CNTN6: variants seen among roughly 807,000 people sequenced by gnomAD.
The protein encoded by CNTN6 is contactin 6, also known as contactin-6.
Under a neutral mutation model 122.8 loss-of-function variants are expected in CNTN6, and 137 were observed. The ratio of observed to expected loss-of-function variants is 1.12; its 90% CI spans 0.97 to 1.29. CNTN6 has a LOEUF of 1.29. CNTN6 is among the 50% of genes most tolerant of loss of function. The probability of loss-of-function intolerance (pLI) is 0.00; values close to 1 mark genes in which losing one functional copy is unlikely to be tolerated. For synonymous variants in CNTN6, 570 were observed against 426.0 expected (o/e 1.34, Z -4.16); for missense variants, 1,634 against 1,223.4 (o/e 1.34, Z -5.01).
Position 1,352,450 on chromosome 3 carries a change from A to G in CNTN6, c.1491A>G (p.Lys497=). 6.2e-7 allele frequency: 1 copy of G among 1,609,788 alleles called. No individual in the cohort carries two copies. The highest frequency in any genetic ancestry group is 8.5e-7 in the Non-Finnish European group (1 of 1,177,206). Residue 497 remains lysine (K), a splice_region_variant and synonymous_variant, in exon 12 of 23, where the codon AAA becomes AAG. Coordinates refer to ENST00000446702, the MANE Select transcript of CNTN6 (RefSeq NM_001289080.2). ...TAKNTGSLIV[K]ERTVITVPPS... Reference sequence around the variant, plus strand: ...AGAACACTGGCAGCCTCATTGTAAAAGGTATCATATTATCTTCATTTGTGC... The same window carrying G: ...AGAACACTGGCAGCCTCATTGTAAAGGGTATCATATTATCTTCATTTGTGC...
chr3:1,238,708 G>A (rs570322319), intron 4 of CNTN6, among the ~76,000 whole-genome samples: 3 of 152,170 alleles, frequency 2.0e-5, no homozygotes, highest in African/African-American at 4.8e-5. Flanking sequence ...TAAGTCTCAG[G>A]AAATTTAAGA....
At chr3:1,270,669 G>A (rs2095009642) in intron 4 of CNTN6, among the ~76,000 whole-genome samples, 1 of 152,108 alleles carries the variant, frequency 6.6e-6, no homozygotes, top group Non-Finnish European at 1.5e-5. Context: ...CTCAAAGGGG[G>A]GAAATAGTAT....
At chr3:1,199,837 A>C (rs2125420510) in intron 2 of CNTN6, among the ~76,000 whole-genome samples, 1 of 152,308 alleles carries the variant, frequency 6.6e-6, no homozygotes, top group East Asian at 1.9e-4. Context: ...TGGCGTTTGC[A>C]AAAACTTTCT....
At chr3:1,275,750 G>T (rs1692227733) in intron 4 of CNTN6, among the ~76,000 whole-genome samples, 1 of 152,074 alleles carries the variant, frequency 6.6e-6, no homozygotes, top group African/African-American at 2.4e-5. Flanking sequence ...CACATGCGCG[G>T]TTCACAATAG....
At position 1,202,756 on chromosome 3, in the gene CNTN6, G is replaced by A. The variant is rs184924854; in HGVS notation, c.56-17931G>A. 7.2e-5 allele frequency among the ~76,000 whole-genome samples: 11 copies of A among 152,142 alleles called. No homozygotes were observed. In the East Asian group the frequency reaches 1.2e-3, roughly 16 times the overall value. On this transcript the variant is annotated intron_variant, in intron 2 of 22. Coordinates refer to ENST00000446702, the MANE Select transcript of CNTN6 (RefSeq NM_001289080.2). ...GCTTTTCTCACACAGGGAATGAACC[G>A]GTTTTCCTGCTCATAAAAGAAAACA...
In CNTN6 at chr3:1,277,827, T is replaced by A. The variant is rs138488532; in HGVS notation, c.359-586T>A. ...GCTTAACAAGATAGCTAGTAAGCAC[T>A]CTTTCAACTCTGAATTTCTGTGATT... On this transcript the variant is annotated intron_variant, in intron 4 of 22. Coordinates refer to ENST00000446702, the MANE Select transcript of CNTN6 (RefSeq NM_001289080.2). Among the ~76,000 whole-genome samples, 635 of 152,322 alleles carry A rather than the reference T, an allele frequency of 4.2e-3. 2 individuals carry two copies. Among genetic ancestry groups the A allele is most frequent in the African/African-American group, 0.014 (594 of 41,578 alleles).
At chr3:1,134,263 T>G (rs2092415023) in intron 1 of CNTN6, among the ~76,000 whole-genome samples, 1 of 152,144 alleles carries the variant, frequency 6.6e-6, no homozygotes, top group Non-Finnish European at 1.5e-5. Flanking sequence ...CTCTCCCATC[T>G]CAATTTGGAA....
At chr3:1,185,269 G>A (rs6772304) in intron 2 of CNTN6, among the ~76,000 whole-genome samples, 12,989 of 152,076 alleles carry the variant, frequency 0.085, 1,446 homozygotes, top group East Asian at 0.47. Context: ...GAAAAATTTT[G>A]TATTTATTGG....
chr3:1,365,718 T>C (rs1229576909), intron 12 of CNTN6, among the ~76,000 whole-genome samples: 1 of 152,010 alleles, frequency 6.6e-6, no homozygotes, highest in Non-Finnish European at 1.5e-5. Context: ...TTTGCACCAA[T>C]CCAATAAATA....
At chr3:1,365,424 A>G (rs547995771) in intron 12 of CNTN6, among the ~76,000 whole-genome samples, 23 of 152,142 alleles carry the variant, frequency 1.5e-4, no homozygotes, top group Non-Finnish European at 2.9e-4. Context: ...TTATATGTGT[A>G]TGCATGTTAA....
intron 20 of CNTN6, among the ~76,000 whole-genome samples, chr3:1,397,597 G>T (rs371874414): frequency 5.3e-5 from 8 of 151,936 alleles, no homozygotes; most frequent in African/African-American, 1.7e-4. Context: ...AGGAAAGAAA[G>T]AAAAATATTT....
chr3:1,377,190 A>T (rs113952683), intron 17 of CNTN6, 115 bp downstream of exon 17: 23,822 of 618,538 alleles, frequency 0.039, 603 homozygotes, highest in South Asian at 0.048. Context: ...AAAATATGGT[A>T]TAAAAATACA....
At chr3:1,356,370 A>T (rs1706557419) in intron 12 of CNTN6, among the ~76,000 whole-genome samples, 1 of 151,810 alleles carries the variant, frequency 6.6e-6, no homozygotes, top group African/African-American at 2.4e-5. Context: ...AATTAAGTTT[A>T]TTGCTGCTCA....
At chr3:1,301,024 C>CTTTTTTTTTTTTTTT (rs562912841) in intron 7 of CNTN6, among the ~76,000 whole-genome samples, 7 of 93,276 alleles carry the variant, frequency 7.5e-5, no homozygotes, top group African/African-American at 3.0e-4. Context: ...AGTCCCTAAA[C>CTTTTTTTTTTTTTTT]TTTTTTTTTT....
intron 5 of CNTN6, among the ~76,000 whole-genome samples, chr3:1,289,825 A>G (rs148048201): frequency 1.3e-5 from 2 of 151,772 alleles, no homozygotes; most frequent in African/African-American, 4.8e-5. Flanking sequence ...CAGGTGCCCA[A>G]CACCACGCCC....
chr3:1,396,065 C>T (rs1360633359), intron 20 of CNTN6, among the ~76,000 whole-genome samples: 1 of 152,096 alleles, frequency 6.6e-6, no homozygotes. Flanking sequence ...CCTAAAATGC[C>T]GTCATACTTC....
At chr3:1,212,403 A>C (rs1290273139) in intron 2 of CNTN6, among the ~76,000 whole-genome samples, 2 of 151,378 alleles carry the variant, frequency 1.3e-5, no homozygotes, top group Non-Finnish European at 2.9e-5. Flanking sequence ...CATTATAATC[A>C]TTGGTGATTA....
At chr3:1,259,591 T>C (rs2094811984) in intron 4 of CNTN6, among the ~76,000 whole-genome samples, 1 of 151,204 alleles carries the variant, frequency 6.6e-6, no homozygotes, top group African/African-American at 2.4e-5. Flanking sequence ...ACAAGATGCA[T>C]AAAGTCAGCA....
intron 2 of CNTN6, among the ~76,000 whole-genome samples, chr3:1,205,853 G>A (rs1469220258): frequency 1.3e-5 from 2 of 152,132 alleles, no homozygotes; most frequent in African/African-American, 4.8e-5. Context: ...TGGATGGTAT[G>A]TGAATTATAT....
Sources: allele counts gnomAD v4.1 joint callset (sites outside exome capture counted in the v4.1 genomes callset), GRCh38; gene constraint gnomAD v4.1.1; transcripts MANE v1.5; gene names NCBI Gene and HGNC (gene_info 2026-07-23, HGNC 2026-07-21).